ADA2: variants seen among roughly 807,000 people sequenced by gnomAD.
ADA2 encodes adenosine deaminase 2.
Under a neutral mutation model 44.2 loss-of-function variants are expected in ADA2, and 29 were observed. That is an observed-to-expected ratio of 0.66 (90% CI 0.49 to 0.89). The LOEUF (loss-of-function observed/expected upper bound fraction) is 0.89. Ranked by LOEUF, ADA2 falls within the 40% of genes least tolerant of loss-of-function variation. The probability of loss-of-function intolerance (pLI) is 0.00; values close to 1 mark genes in which losing one functional copy is unlikely to be tolerated. For synonymous variants in ADA2, 215 were observed against 234.9 expected, an observed-to-expected ratio of 0.92 and a Z score of 0.77; for missense variants, 637 against 644.8, an observed-to-expected ratio of 0.99 and a Z score of 0.13.
At chr22:17,193,851 G>A (rs2062155417) in intron 4 of ADA2, among the ~76,000 whole-genome samples, 1 of 151,296 alleles carries the variant, frequency 6.6e-6, no homozygotes, top group Non-Finnish European at 1.5e-5. Flanking sequence ...AGACAAGATA[G>A]CTGCCCTCAG....
chr22:17,181,365 G>T lies in ADA2; in HGVS notation c.*118C>A, dbSNP rs1208420866. 9.5e-6 allele frequency: 7 copies of T among 736,474 alleles called. No homozygotes were observed. Among genetic ancestry groups the T allele is most frequent in the Non-Finnish European group, 1.7e-5 (7 of 404,986 alleles). The allele number at this position is 736,474 out of a possible 1,614,324, so 45.6% of individuals were successfully genotyped here. A position where few individuals can be genotyped will look rare whatever the true frequency, so the allele number is the denominator to read the frequency against. The stretch of plus-strand genomic sequence containing the variant: ...TCAGCCAGCCAAGTGCTTCTCACAG[G>T]GTCGCTCCATACAGAGGCCATTGAT... On this transcript the variant is annotated 3_prime_UTR_variant, in exon 10 of 10. Transcript: ENST00000399837.
intron 4 of ADA2, among the ~76,000 whole-genome samples, chr22:17,194,543 C>T (rs1162882721): frequency 6.6e-6 from 1 of 152,136 alleles, no homozygotes; most frequent in East Asian, 1.9e-4. Context: ...GGCAGTGAGG[C>T]TCTCCACTGG....
At position 17,180,967 on chromosome 22, in the gene ADA2, G is replaced by T. The variant is rs549280167; in HGVS notation, c.*516C>A. 1 of 152,844 alleles carries T rather than the reference G, an allele frequency of 6.5e-6. No homozygotes were observed. Among genetic ancestry groups the T allele is most frequent in the Non-Finnish European group, 1.5e-5 (1 of 68,558 alleles). 9.5% of individuals were successfully genotyped at this position (152,844 alleles called of 1,614,324 possible). A position where few individuals can be genotyped will look rare whatever the true frequency, so the allele number is the denominator to read the frequency against. On this transcript the variant is annotated 3_prime_UTR_variant, in exon 10 of 10. Transcript: ENST00000399837. ...AGCCTCGCCAACATGGTGAAAACCT[G>T]TCTCTACTAAAAATGCAAAAATCAG...
rs1568967106 is a variant in ADA2 at position 17,182,771 on chromosome 22, CG to C, written c.1082-11del. On this transcript the variant is annotated splice_polypyrimidine_tract_variant and intron_variant, in intron 7 of 9. Coordinates refer to ENST00000399837, the MANE Select transcript of ADA2 (RefSeq NM_001282225.2). ...GAAGTACCCTGCCAGTCTGAACACA[CG>C]GGAATGGTCTTCCATGGGGGATGGA... 6.2e-7 allele frequency: 1 copy of C among 1,612,116 alleles called. No homozygotes were observed. Among genetic ancestry groups the C allele is most frequent in the Non-Finnish European group, 8.5e-7 (1 of 1,179,536 alleles).
chr22:17,213,718 A>G, intron 1 of ADA2: 1 of 245,288 alleles, frequency 4.1e-6, no homozygotes, highest in Non-Finnish European at 8.3e-6. Flanking sequence ...AAAATGCAGG[A>G]GAAGCGGCAA....
chr22:17,207,233 T>C lies in ADA2; in HGVS notation c.380A>G (p.Asn127Ser), dbSNP rs547716532. The change falls in exon 3 of 10, where the codon AAT (asparagine) becomes AGT (serine). Residue 127 changes from asparagine to serine, a missense_variant. Physicochemically the swap from Asn to Ser is conservative, Grantham distance 46 (BLOSUM62 1). Transcript: ENST00000399837. ...GIVTMDWLVR[N>S]VTYRPHCHIC... ...GTGGCAGTGAGGCCTGTAGGTGACA[T>C]TCCTCACCAGCCAGTCCATAGTCAC... is the stretch of plus-strand genomic sequence containing the variant. The C allele has an allele frequency of 3.7e-6, 6 of 1,613,646 alleles. No individual in the cohort carries two copies. In the East Asian group the frequency reaches 6.7e-5, roughly 18 times the overall value.
intron 4 of ADA2, among the ~76,000 whole-genome samples, chr22:17,197,097 C>G (rs201403526): frequency 1.3e-5 from 2 of 152,036 alleles, no homozygotes; most frequent in African/African-American, 4.8e-5. Flanking sequence ...CACTTGAACC[C>G]AGGAGGCAGA....
chr22:17,188,531 C>T (rs2062067936), intron 6 of ADA2, 84 bp from the exon 7 acceptor site: 2 of 820,622 alleles, frequency 2.4e-6, no homozygotes, highest in Non-Finnish European at 4.0e-6. Context: ...TGTGCACACC[C>T]TTCCTTGTAC....
rs116797199 is a variant in ADA2, at chr22:17,193,026, C to T, written c.754-1216G>A. The T allele has an allele frequency of 2.8e-3, 1,875 of 675,892 alleles. 26 individuals are homozygous for T. The African/African-American group carries it at 0.031, about 11-fold the overall frequency. 41.9% of individuals were successfully genotyped at this position (675,892 alleles called of 1,614,324 possible). A position where few individuals can be genotyped will look rare whatever the true frequency, so the allele number is the denominator to read the frequency against. On this transcript the variant is annotated intron_variant, in intron 4 of 9. Transcript: ENST00000399837. Reference sequence around the variant, plus strand: ...TAACTGGCGGAAACCCAGAGGTATTCACAACGGGGTTCATAGAAGGTTCAA... The same window carrying T: ...TAACTGGCGGAAACCCAGAGGTATTTACAACGGGGTTCATAGAAGGTTCAA...
intron 7 of ADA2, among the ~76,000 whole-genome samples, chr22:17,185,232 G>A (rs557907429): frequency 1.3e-5 from 2 of 151,084 alleles, no homozygotes; most frequent in Admixed American, 1.3e-4. Flanking sequence ...CCAACATGGT[G>A]AAACCCCGTC....
intron 1 of ADA2, chr22:17,213,896 G>A: frequency 3.3e-6 from 1 of 302,736 alleles, no homozygotes. Context: ...AAAATTAGCT[G>A]GGCGTGGTGG....
chr22:17,208,838 A>ATTTTTTTTTTTT lies in ADA2; in HGVS notation c.322+517_322+518insAAAAAAAAAAAA, dbSNP rs796662081. Among the ~76,000 whole-genome samples the ATTTTTTTTTTTT allele has an allele frequency of 5.1e-4, 73 of 142,976 alleles. 1 individual carries two copies. The East Asian group carries it at 5.7e-3, about 11-fold the overall frequency. The allele number at this position is 142,976 out of a possible 152,430, so 93.8% of individuals were successfully genotyped here. A position where few individuals can be genotyped will look rare whatever the true frequency, so the allele number is the denominator to read the frequency against. On this transcript the variant is annotated intron_variant, in intron 2 of 9. Coordinates refer to ENST00000399837, the MANE Select transcript of ADA2 (RefSeq NM_001282225.2). The stretch of plus-strand genomic sequence containing the variant: ...TTTTTTAATAAAAAAAAAAATTAAC[A>ATTTTTTTTTTTT]TTTTTTGGGGAACAGGGTCTTGCTC...
chr22:17,203,576 G>A lies in ADA2; in HGVS notation c.740C>T (p.Ala247Val), dbSNP rs750868279. ...AGCTGGGCTCACCGGCAGCAGCCTG[G>A]CTCTGATCTCCATGTAGAGCACGTT... ...EDNVLYMEIR[A>V]RLLPVYELSG... Residue 247 changes from alanine to valine, a missense_variant, in exon 4 of 10, where the codon GCC becomes GTC. Coordinates refer to ENST00000399837, the MANE Select transcript of ADA2 (RefSeq NM_001282225.2). 61 of 1,612,106 alleles carry A rather than the reference G, an allele frequency of 3.8e-5. No homozygotes were observed. Among genetic ancestry groups the A allele is most frequent in the Middle Eastern group, 4.2e-4 (2 of 4,768 alleles).
chr22:17,181,753 C>T, intron 9 of ADA2, 67 bp downstream of exon 9: 1 of 1,397,446 alleles, frequency 7.2e-7, no homozygotes, highest in Non-Finnish European at 1.0e-6. Flanking sequence ...CTCAAGCCTC[C>T]AGAGAGGCAA....
At chr22:17,190,136 G>T in intron 5 of ADA2, 104 bp from the exon 6 acceptor site, 1 of 909,214 alleles carries the variant, frequency 1.1e-6, no homozygotes, top group Non-Finnish European at 1.8e-6. Context: ...CAAGTGTGCA[G>T]GTCCCGTTTC....
intron 7 of ADA2, 83 bp from the exon 8 acceptor site, chr22:17,182,844 C>T (rs2061989579): frequency 6.9e-7 from 1 of 1,445,150 alleles, no homozygotes; most frequent in Admixed American, 2.0e-5. Flanking sequence ...CCCACCCGCC[C>T]CCCGACCATC....
chr22:17,192,947 G>T, intron 4 of ADA2: 1 of 596,212 alleles, frequency 1.7e-6, no homozygotes, highest in Non-Finnish European at 3.1e-6. Flanking sequence ...TTGTCAAAAA[G>T]AGAACCAAAA....
intron 1 of ADA2, among the ~76,000 whole-genome samples, chr22:17,212,991 T>C (rs545512524): frequency 8.4e-4 from 126 of 150,802 alleles, no homozygotes; most frequent in African/African-American, 2.8e-3. Context: ...GGTCTCACTA[T>C]GTTGCCATGG....
chr22:17,204,520 G>T (rs1239078949), intron 3 of ADA2, among the ~76,000 whole-genome samples: 1 of 151,906 alleles, frequency 6.6e-6, no homozygotes, highest in East Asian at 1.9e-4. Context: ...GGAGGCAAGA[G>T]AATTGTTTGA....
Sources: allele counts gnomAD v4.1 joint callset (sites outside exome capture counted in the v4.1 genomes callset), GRCh38; gene constraint gnomAD v4.1.1; transcripts MANE v1.5; gene names NCBI Gene and HGNC (gene_info 2026-07-23, HGNC 2026-07-21).